The following CAPN2 variants were observed in gnomAD, a reference collection of about 807,000 sequenced individuals.
CAPN2 encodes the protein calpain 2, also known as calpain-2 catalytic subunit.
A neutral mutation model predicts 102.3 loss-of-function variants in CAPN2; 92 were observed. The observed-to-expected ratio is 0.90, with a 90% CI of 0.76 to 1.07. The LOEUF is 1.07. CAPN2 is among the 50% of genes least tolerant of loss of function. The pLI is 0.00. For synonymous variants in CAPN2, 340 were observed against 355.4 expected (o/e 0.96, Z 0.49); for missense variants, 800 against 909.4 (o/e 0.88, Z 1.55).
Position 223,759,263 on chromosome 1 carries a change from T to G in CAPN2, c.1318-7T>G. ...TCTACCCCCATGTTTCTCTATTTAT[T>G]CCTCAGTTAAGTGGGCAGACCAACA... On this transcript the variant is annotated splice_region_variant and splice_polypyrimidine_tract_variant and intron_variant, in intron 11 of 20. Transcript: ENST00000295006. This position sits in a 1 kb window ranked among gnomAD's most constrained non-coding sequence, Gnocchi z 4.6. 1 of 1,613,192 alleles carries G rather than the reference T, an allele frequency of 6.2e-7. No individual in the cohort carries two copies. Among genetic ancestry groups the G allele is most frequent in the South Asian group, 1.1e-5 (1 of 91,068 alleles).
Position 223,731,841 on chromosome 1 carries a change from C to T in CAPN2, c.308-12259C>T, listed in dbSNP as rs551722474. On this transcript the variant is annotated intron_variant, in intron 2 of 20. Coordinates refer to ENST00000295006, the MANE Select transcript of CAPN2 (RefSeq NM_001748.5). This position sits in a 1 kb window ranked among gnomAD's most constrained non-coding sequence, Gnocchi z 4.2. The stretch of plus-strand genomic sequence containing the variant: ...GCCCCGTAGCAGCTCTGTGTTCTGC[C>T]TGCTCTTCCTCCAAGATGAGCTCCC... Among the ~76,000 whole-genome samples, 1 of 152,246 alleles carries T rather than the reference C, an allele frequency of 6.6e-6. No individual in the cohort carries two copies. The highest frequency in any genetic ancestry group is 1.5e-5 in the Non-Finnish European group (1 of 68,044).
At chr1:223,737,710 G>GC (rs1660496240) in intron 2 of CAPN2, among the ~76,000 whole-genome samples, 2 of 31,978 alleles carry the variant, frequency 6.3e-5, no homozygotes, top group Admixed American at 5.8e-4. Flanking sequence ...GACGGGGCGG[G>GC]GGGTGGGGGG....
intron 1 of CAPN2, among the ~76,000 whole-genome samples, chr1:223,716,032 C>T (rs1038533058): frequency 3.3e-5 from 5 of 152,172 alleles, no homozygotes; most frequent in African/African-American, 9.7e-5. Flanking sequence ...CAGGGTCCTA[C>T]GACCTACATA....
Position 223,749,408 on chromosome 1 carries a change from GAT to G in CAPN2, c.813+288_813+289del, listed in dbSNP as rs1338710375. ...TTTACAGTTACAACCTTACTATTTT[GAT>G]AAGCTAAAAATAATAAAACAATGCA... is the stretch of plus-strand genomic sequence containing the variant. On this transcript the variant is annotated intron_variant, in intron 6 of 20. Transcript: ENST00000295006. The G allele has an allele frequency of 9.4e-6, 5 of 531,182 alleles. No homozygotes were observed. In the African/African-American group the frequency reaches 9.7e-5, roughly 10 times the overall value. 32.9% of individuals were successfully genotyped at this position (531,182 alleles called of 1,614,324 possible).
chr1:223,762,096 A>G, intron 13 of CAPN2, 90 bp from the exon 14 acceptor site: 1 of 1,044,462 alleles, frequency 9.6e-7, no homozygotes. Flanking sequence ...AGAGAAGGGG[A>G]GTGGGAGGTG....
Position 223,749,117 on chromosome 1 carries a change from G to A in CAPN2, c.808G>A (p.Glu270Lys), listed in dbSNP as rs992765811. ...KGHAYSVTGA[E>K]EVESNGSLQK... The stretch of plus-strand genomic sequence containing the variant: ...GCACGCGTACTCGGTCACCGGAGCC[G>A]AGGAGGTAACGGCCGGCGCGGATGT... The change falls in exon 6 of 21, where the codon GAG becomes AAG. Residue 270 changes from glutamate to lysine, a missense_variant. Transcript: ENST00000295006. 2 of 1,613,986 alleles carry A rather than the reference G, an allele frequency of 1.2e-6. No individual in the cohort carries two copies. The highest frequency in any genetic ancestry group is 1.7e-4 in the Middle Eastern group (1 of 6,060).
At position 223,719,837 on chromosome 1, in the gene CAPN2, C is replaced by T. The variant is rs74147523; in HGVS notation, c.307+2006C>T. On this transcript the variant is annotated intron_variant, in intron 2 of 20. Transcript: ENST00000295006. The stretch of plus-strand genomic sequence containing the variant: ...GTGTGTGTGTGTGTGTGTGTGCGCG[C>T]GCGCGCGTATAATGCAGTATTGGTC... 3.4e-3 allele frequency among the ~76,000 whole-genome samples: 464 copies of T among 136,992 alleles called. 1 individual carries two copies. Among genetic ancestry groups the T allele is most frequent in the African/African-American group, 0.011 (439 of 39,592 alleles). The allele number at this position is 136,992 out of a possible 152,430, so 89.9% of individuals were successfully genotyped here.
At chr1:223,768,593 T>C (rs1473052716) in intron 16 of CAPN2, among the ~76,000 whole-genome samples, 2 of 151,964 alleles carry the variant, frequency 1.3e-5, no homozygotes, top group Non-Finnish European at 2.9e-5. Flanking sequence ...ACTGTAGCCT[T>C]GTAGTATAGT....
At chr1:223,750,267 CTT>C (rs1281813298) in intron 6 of CAPN2, among the ~76,000 whole-genome samples, 1 of 152,168 alleles carries the variant, frequency 6.6e-6, no homozygotes, top group Non-Finnish European at 1.5e-5. Flanking sequence ...TATGTGTGCA[CTT>C]TTTTTGAGCC....
chr1:223,717,453 C>A (rs940738086), intron 1 of CAPN2, among the ~76,000 whole-genome samples: 10 of 152,102 alleles, frequency 6.6e-5, no homozygotes, highest in Non-Finnish European at 1.5e-4. Context: ...CCACGTCTGG[C>A]AGAAAAGGCT....
intron 13 of CAPN2, 88 bp from the exon 14 acceptor site, chr1:223,762,098 T>G: frequency 2.8e-6 from 3 of 1,074,356 alleles, no homozygotes; most frequent in South Asian, 1.3e-5. Context: ...AGAAGGGGAG[T>G]GGGAGGTGGC....
intron 1 of CAPN2, among the ~76,000 whole-genome samples, chr1:223,702,079 G>GA (rs2102763829): frequency 5.0e-5 from 1 of 20,190 alleles, no homozygotes; most frequent in African/African-American, 1.7e-4. Flanking sequence ...GGGAGGGAGG[G>GA]AGGGAGGGAG....
chr1:223,769,506 C>CTT (rs1205914140), intron 16 of CAPN2, among the ~76,000 whole-genome samples: 5 of 152,198 alleles, frequency 3.3e-5, no homozygotes, highest in African/African-American at 1.2e-4. Flanking sequence ...ACTCCACATA[C>CTT]TTTAAAAAAA....
Position 223,771,889 on chromosome 1 carries a change from TTTG to T in CAPN2, c.1987_1989del (p.Val663del). On this transcript the variant is annotated inframe_deletion, in exon 19 of 21. Transcript: ENST00000295006. ...CCAGCTCATCATCGATTTTGATAAT[TTTG>T]TTCGGTGTTTGGTTCGGCTGGAAAC... 1 of 1,614,110 alleles carries T rather than the reference TTTG, an allele frequency of 6.2e-7. No individual in the cohort carries two copies. Among genetic ancestry groups the T allele is most frequent in the Non-Finnish European group, 8.5e-7 (1 of 1,179,942 alleles).
At chr1:223,750,615 TC>T (rs1446922904) in intron 6 of CAPN2, among the ~76,000 whole-genome samples, 1 of 152,224 alleles carries the variant, frequency 6.6e-6, no homozygotes, top group African/African-American at 2.4e-5. Flanking sequence ...AAGCTGAAGT[TC>T]AGAGATGAAG....
At chr1:223,749,291 G>A in intron 6 of CAPN2, 169 bp downstream of exon 6, 1 of 619,518 alleles carries the variant, frequency 1.6e-6, no homozygotes, top group South Asian at 2.0e-5. Flanking sequence ...CCCTTTCGCA[G>A]CTCGGGCGCC....
Position 223,774,498 on chromosome 1 carries a change from T to TAACC in CAPN2, c.2080-336_2080-335insAACC, listed in dbSNP as rs1661562493. On this transcript the variant is annotated intron_variant, in intron 20 of 20. Coordinates refer to ENST00000295006, the MANE Select transcript of CAPN2 (RefSeq NM_001748.5). ...AGAACCAATGCTGAACACCATTGGT[T>TAACC]GCAGGGATATCCACATCCCAAACTA... 2.6e-5 allele frequency among the ~76,000 whole-genome samples: 4 copies of TAACC among 152,312 alleles called. No homozygotes were observed. In the South Asian group the frequency reaches 8.3e-4, roughly 32 times the overall value.
At chr1:223,746,216 C>T (rs1405828141) in intron 4 of CAPN2, among the ~76,000 whole-genome samples, 2 of 152,202 alleles carry the variant, frequency 1.3e-5, no homozygotes, top group African/African-American at 4.8e-5. Flanking sequence ...GCTTCTAAGT[C>T]CCACTGCTCA....
rs1310686530 is a variant in CAPN2 at position 223,752,835 on chromosome 1, G to C, written c.1014G>C (p.Leu338=). The C allele has an allele frequency of 1.2e-6, 2 of 1,614,112 alleles. No individual in the cohort carries two copies. Among genetic ancestry groups the C allele is most frequent in the Non-Finnish European group, 1.7e-6 (2 of 1,180,006 alleles). The change falls in exon 9 of 21, where the codon CTG becomes CTC. Residue 338 remains leucine (L), a synonymous_variant. Transcript: ENST00000295006. ...ACTTCCTGAGGCACTATTCCCGCCT[G>C]GAGATCTGTAACCTGACCCCAGACA... ...FSDFLRHYSR[L]EICNLTPDTL... is the part of the protein sequence containing the mutation.
Sources: gnomAD v4.1 joint callset for allele counts (sites outside exome capture counted in the v4.1 genomes callset) on GRCh38, gnomAD v4.1.1 for gene constraint, Gnocchi (gnomAD v3.1) non-coding constraint, MANE v1.5 for transcripts, NCBI Gene and HGNC (gene_info 2026-07-23, HGNC 2026-07-21) for gene names.